Variants in CHID1 observed in about 807,000 individuals in gnomAD.
The protein encoded by CHID1 is chitinase domain containing 1.
In CHID1, 44 loss-of-function variants were observed where a neutral mutation model predicts 55.4. The observed-to-expected ratio is 0.79, with a 90% CI of 0.62 to 1.02. The LOEUF (loss-of-function observed/expected upper bound fraction) is 1.02, where lower values mean the gene tolerates loss of function less well. Among genes scored for constraint, CHID1 ranks in the 50% least tolerant of loss-of-function variants. The pLI, the probability that CHID1 is intolerant of heterozygous loss-of-function variation, is 0.00. For synonymous variants in CHID1, 216 were observed against 212.9 expected (o/e 1.01, Z -0.13); for missense variants, 491 against 515.3 (o/e 0.95, Z 0.46).
chr11:913,538 C>G (rs960134526), upstream of CHID1, among the ~76,000 whole-genome samples: 37 of 152,046 alleles, frequency 2.4e-4, no homozygotes, highest in African/African-American at 8.2e-4. Flanking sequence ...TTTGGGAGGC[C>G]GAGGTGGACG....
At chr11:906,608 G>A (rs577476348) in intron 1 of CHID1, among the ~76,000 whole-genome samples, 5 of 152,164 alleles carry the variant, frequency 3.3e-5, no homozygotes, top group Admixed American at 6.5e-5. Flanking sequence ...TGCCATGCTC[G>A]TGGTGTGCCG....
At chr11:877,930 T>C (rs1366502107) in intron 10 of CHID1, among the ~76,000 whole-genome samples, 12 of 152,158 alleles carry the variant, frequency 7.9e-5, no homozygotes, top group Non-Finnish European at 1.8e-4. Context: ...ATTCATGGAC[T>C]AGTGGGTTAA....
chr11:910,684 C>T, intron 1 of CHID1, 91 bp downstream of exon 1: 2 of 1,265,842 alleles, frequency 1.6e-6, no homozygotes, highest in Non-Finnish European at 2.0e-6. Context: ...CTCCCGGGGC[C>T]GAGCCTCGCT....
chr11:874,045 C>T (rs540020498), intron 10 of CHID1, among the ~76,000 whole-genome samples: 21 of 152,068 alleles, frequency 1.4e-4, no homozygotes, highest in Admixed American at 9.8e-4. Context: ...GTGTGGGGGG[C>T]GTCACCCCAC....
At chr11:872,274 C>T (rs1849229249) in intron 10 of CHID1, among the ~76,000 whole-genome samples, 1 of 152,230 alleles carries the variant, frequency 6.6e-6, no homozygotes, top group East Asian at 1.9e-4. Context: ...TCTCCCACCT[C>T]TGCCTCCCAA....
chr11:902,317 C>T lies in CHID1; in HGVS notation c.275G>A (p.Gly92Asp). The T allele has an allele frequency of 6.2e-7, 1 of 1,611,966 alleles. No homozygotes were observed. Reference protein sequence around the residue: ...LGYVTPWNSHGYDVTKVFGSK... With the variant: ...LGYVTPWNSHDYDVTKVFGSK... ...CCCAAAGACCTTGGTGACATCGTAG[C>T]CATGGCTGTTCCACTGGCAAAAGAT... Residue 92 changes from glycine (G) to aspartate (D), a missense_variant, in exon 4 of 13, where the codon GGC (glycine) becomes GAC (aspartate). Coordinates refer to ENST00000323578, the MANE Select transcript of CHID1 (RefSeq NM_023947.4).
At position 868,501 on chromosome 11, in the gene CHID1, C is replaced by T. The variant is rs1026328521; in HGVS notation, c.*1357G>A. 7.9e-5 allele frequency: 12 copies of T among 152,086 alleles called. No homozygotes were observed. The highest frequency in any genetic ancestry group is 1.9e-4 in the East Asian group (1 of 5,182). The allele number at this position is 152,086 out of a possible 1,614,324, so 9.4% of individuals were successfully genotyped here. ...AAGTACTGGGATTACAGGCATGAAC[C>T]GCCGCACACACCACTTGTATCTCCT... is the stretch of plus-strand genomic sequence containing the variant. On this transcript the variant is annotated 3_prime_UTR_variant, in exon 13 of 13. Coordinates refer to ENST00000323578, the MANE Select transcript of CHID1 (RefSeq NM_023947.4).
chr11:881,731 G>A (rs1034445506), intron 10 of CHID1, among the ~76,000 whole-genome samples: 9 of 152,052 alleles, frequency 5.9e-5, no homozygotes, highest in South Asian at 2.1e-4. Flanking sequence ...GGCCAGGCAC[G>A]GGGCTCACAC....
At position 881,191 on chromosome 11, in the gene CHID1, C is replaced by T. The variant is rs115541753; in HGVS notation, c.959+1957G>A. Reference sequence around the variant, plus strand: ...GGGCTTGGTGGCTCACGCGTGTCATCGCAGCACTTTGGGAGGCTGAGGCAG... The same window carrying T: ...GGGCTTGGTGGCTCACGCGTGTCATTGCAGCACTTTGGGAGGCTGAGGCAG... On this transcript the variant is annotated intron_variant, in intron 10 of 12. Transcript: ENST00000323578. Among the ~76,000 whole-genome samples, 463 of 152,316 alleles carry T rather than the reference C, an allele frequency of 3.0e-3. 5 individuals are homozygous for T. Among genetic ancestry groups the T allele is most frequent in the African/African-American group, 0.011 (444 of 41,564 alleles).
Position 869,796 on chromosome 11 carries a change from C to A in CHID1, c.*62G>T. The A allele has an allele frequency of 6.9e-7, 1 of 1,450,908 alleles. No individual in the cohort carries two copies. Among genetic ancestry groups the A allele is most frequent in the East Asian group, 2.3e-5 (1 of 44,016 alleles). 89.9% of individuals were successfully genotyped at this position (1,450,908 alleles called of 1,614,324 possible). On this transcript the variant is annotated 3_prime_UTR_variant, in exon 13 of 13. Transcript: ENST00000323578. ...ACGGAGTGGAGGCCTGTATTTCACA[C>A]CTGCTCACTCACTCCATGGCTTAGA...
At chr11:912,582 C>A (rs1280058793), upstream of CHID1, among the ~76,000 whole-genome samples, 2 of 152,124 alleles carry the variant, frequency 1.3e-5, no homozygotes, top group Admixed American at 6.5e-5. Context: ...CGGTGGCTCA[C>A]GCTTGTAATC....
chr11:899,388 T>A lies in CHID1; in HGVS notation c.560A>T (p.Asp187Val), dbSNP rs374659275. The A allele has an allele frequency of 8.1e-6, 13 of 1,602,898 alleles. No individual in the cohort carries two copies. The highest frequency in any genetic ancestry group is 8.5e-6 in the Non-Finnish European group (10 of 1,174,722). ...GTTCCAGACCTCCACCACGAAGCCA[T>A]CGAAATGCTGGTTCTGAAAGAAGCA... The part of the protein sequence containing the change: ...VVQVAKNQHF[D>V]GFVVEVWNQL... Residue 187 changes from aspartate to valine, a missense_variant, in exon 7 of 13, where the codon GAT becomes GTT. By Grantham distance (152) the Asp-to-Val change is radical. Coordinates refer to ENST00000323578, the MANE Select transcript of CHID1 (RefSeq NM_023947.4).
rs753083071 is a variant in CHID1 at position 870,436 on chromosome 11, G to A, written c.1023C>T (p.His341=). The change falls in exon 11 of 13, where the codon CAC becomes CAT. Residue 341 remains histidine, a synonymous_variant. Transcript: ENST00000323578. ...ACACTCACTTCTTGTACTCGAAGAA[G>A]TGCTCTGAGGCCTGGCTGTCCCACA... is the stretch of plus-strand genomic sequence containing the variant. ...RMVWDSQASE[H]FFEYKKSRSG... 2 of 1,611,826 alleles carry A rather than the reference G, an allele frequency of 1.2e-6. No individual in the cohort carries two copies. The highest frequency in any genetic ancestry group is 1.7e-6 in the Non-Finnish European group (2 of 1,178,966).
At chr11:895,546 C>T (rs1025378897) in intron 7 of CHID1, among the ~76,000 whole-genome samples, 3 of 152,184 alleles carry the variant, frequency 2.0e-5, no homozygotes, top group South Asian at 2.1e-4. Context: ...TGGCTCCGAG[C>T]GCCCCTAACA....
At chr11:885,167 C>A (rs1850301018) in intron 8 of CHID1, among the ~76,000 whole-genome samples, 1 of 152,198 alleles carries the variant, frequency 6.6e-6, no homozygotes. Context: ...TCAGTTGTGA[C>A]CCCTCCTCTG....
intron 1 of CHID1, among the ~76,000 whole-genome samples, chr11:907,356 C>T (rs907126693): frequency 6.6e-6 from 1 of 152,080 alleles, no homozygotes; most frequent in Non-Finnish European, 1.5e-5. Flanking sequence ...TGGCAGGCGC[C>T]TGTAGTCCCA....
At chr11:902,848 G>A in intron 3 of CHID1, 114 bp downstream of exon 3, 1 of 986,528 alleles carries the variant, frequency 1.0e-6, no homozygotes, top group Non-Finnish European at 1.5e-6. Flanking sequence ...AGCAGCTCCG[G>A]GAGATCAGAA....
intron 8 of CHID1, among the ~76,000 whole-genome samples, chr11:885,181 A>C (rs1565175496): frequency 1.3e-5 from 2 of 152,168 alleles, no homozygotes; most frequent in African/African-American, 2.4e-5. Flanking sequence ...TCCTCTGCTC[A>C]AGGGTCACTG....
intron 8 of CHID1, among the ~76,000 whole-genome samples, chr11:892,634 C>T (rs1004993428): frequency 1.3e-5 from 2 of 152,230 alleles, no homozygotes; most frequent in East Asian, 1.9e-4. Flanking sequence ...AACCTGGCCA[C>T]GACAGCAGGA....
Sources: allele counts gnomAD v4.1 joint callset (sites outside exome capture counted in the v4.1 genomes callset), GRCh38; gene constraint gnomAD v4.1.1; transcripts MANE v1.5; gene names NCBI Gene and HGNC (gene_info 2026-07-23, HGNC 2026-07-21).